Variants in TSPAN32 observed in about 807,000 individuals in gnomAD.
TSPAN32 encodes the protein tetraspanin 32, also known as tetraspanin-32.
In TSPAN32, 47 loss-of-function variants were observed where a neutral mutation model predicts 42.7. That is an observed-to-expected ratio of 1.10 (90% CI 0.87 to 1.40). The LOEUF (loss-of-function observed/expected upper bound fraction) is 1.40, where lower values mean the gene tolerates loss of function less well. TSPAN32 is among the 40% of genes most tolerant of loss of function. TSPAN32 has a pLI of 0.00. For synonymous variants in TSPAN32, 175 were observed against 175.9 expected, an observed-to-expected ratio of 0.99 and a Z score of 0.04; for missense variants, 469 against 424.1, an observed-to-expected ratio of 1.11 and a Z score of -0.93.
intron 3 of TSPAN32, among the ~76,000 whole-genome samples, chr11:2,308,235 G>T (rs529528982): frequency 6.6e-6 from 1 of 152,244 alleles, no homozygotes; most frequent in South Asian, 2.1e-4. Context: ...CACGCACCCA[G>T]CGCCCACGCT....
In TSPAN32 at chr11:2,313,719, C is replaced by T. The variant is rs368872715; in HGVS notation, c.420C>T (p.His140=). 2.4e-5 allele frequency: 38 copies of T among 1,606,758 alleles called. No individual in the cohort carries two copies. The highest frequency in any genetic ancestry group is 4.0e-5 in the African/African-American group (3 of 74,850). ...VYEQAMKGTS[H]VRRQELAAIQ... is the part of the protein sequence containing the mutation. Reference sequence around the variant, plus strand: ...AGCAGGCGATGAAAGGTACGTCCCACGTCCGGCGGCAGGAGCTGGCGGCCA... The same window carrying T: ...AGCAGGCGATGAAAGGTACGTCCCATGTCCGGCGGCAGGAGCTGGCGGCCA... The change falls in exon 5 of 10, where the codon CAC becomes CAT. Residue 140 remains histidine (H), a synonymous_variant. Coordinates refer to ENST00000182290, the MANE Select transcript of TSPAN32 (RefSeq NM_139022.3). The surrounding 1 kb of genome is among the most constrained non-coding windows in gnomAD (Gnocchi z 9.1).
chr11:2,316,926 T>G lies in TSPAN32; in HGVS notation c.719+259T>G, dbSNP rs138827148. On this transcript the variant is annotated intron_variant, in intron 8 of 9. Coordinates refer to ENST00000182290, the MANE Select transcript of TSPAN32 (RefSeq NM_139022.3). The stretch of plus-strand genomic sequence containing the variant: ...CCCAGGCCTTACCAAGACCTGGAGA[T>G]GGATGCTTCTGGGCCTCCAGGTTAT... Among the ~76,000 whole-genome samples, 293 of 152,166 alleles carry G rather than the reference T, an allele frequency of 1.9e-3. 1 individual carries two copies. The highest frequency in any genetic ancestry group is 6.8e-3 in the Middle Eastern group (2 of 292).
At position 2,316,590 on chromosome 11, in the gene TSPAN32, C is replaced by G. The variant is rs200678268; in HGVS notation, c.642C>G (p.Leu214=). 1.1e-5 allele frequency: 17 copies of G among 1,576,070 alleles called. No individual in the cohort carries two copies. The South Asian group carries it at 1.9e-4, about 17-fold the overall frequency. Reference sequence around the variant, plus strand: ...CTCCCTCCCAGGTGTCCGCCTTGCTCTTCAGCTCCTTCCTGTGGTTTGCCA... The same window carrying G: ...CTCCCTCCCAGGTGTCCGCCTTGCTGTTCAGCTCCTTCCTGTGGTTTGCCA... The part of the protein sequence containing the change: ...IGLALTVSAL[L]FSSFLWFAIR... Residue 214 remains leucine, a synonymous_variant, in exon 8 of 10, where the codon CTC becomes CTG. Coordinates refer to ENST00000182290, the MANE Select transcript of TSPAN32 (RefSeq NM_139022.3).
At position 2,315,261 on chromosome 11, in the gene TSPAN32, G is replaced by T. The variant is rs989742316; in HGVS notation, c.543+690G>T. 5.0e-6 allele frequency: 6 copies of T among 1,196,344 alleles called. No homozygotes were observed. In the African/African-American group the frequency reaches 1.0e-4, roughly 20 times the overall value. 74.1% of individuals were successfully genotyped at this position (1,196,344 alleles called of 1,614,324 possible). On this transcript the variant is annotated intron_variant, in intron 6 of 9. Coordinates refer to ENST00000182290, the MANE Select transcript of TSPAN32 (RefSeq NM_139022.3). ...TATCTCACAGTGGGAGGCACCTGGCGACCCTCCAAGAAACAGAGGGGAGGA... is the reference window on the plus strand; with the variant it reads ...TATCTCACAGTGGGAGGCACCTGGCTACCCTCCAAGAAACAGAGGGGAGGA...
chr11:2,316,711 C>G (rs1359552036), intron 8 of TSPAN32, 44 bp downstream of exon 8: 4 of 1,501,630 alleles, frequency 2.7e-6, no homozygotes, highest in Non-Finnish European at 3.6e-6. Flanking sequence ...AAGGGTCCTC[C>G]AGCTCTGCTC....
chr11:2,308,764 G>A lies in TSPAN32; in HGVS notation c.308G>A (p.Cys103Tyr), dbSNP rs1207478015. The change falls in exon 4 of 10, where the codon TGC (cysteine) becomes TAC (tyrosine). Residue 103 changes from cysteine to tyrosine, a missense_variant. Cys to Tyr is a radical substitution (Grantham distance 194). Coordinates refer to ENST00000182290, the MANE Select transcript of TSPAN32 (RefSeq NM_139022.3). ...GGFLCFSLAF[C>Y]AQVQVVFWRL... The stretch of plus-strand genomic sequence containing the variant: ...TTCCTGTGCTTCTCCCTGGCGTTCT[G>A]CGCACAGGTGCAGGTGGTGTTCTGG... 3 of 1,575,212 alleles carry A rather than the reference G, an allele frequency of 1.9e-6. No homozygotes were observed. The highest frequency in any genetic ancestry group is 1.7e-4 in the Middle Eastern group (1 of 6,034).
chr11:2,304,284 C>A lies in TSPAN32; in HGVS notation c.279+80C>A. The A allele has an allele frequency of 9.7e-7, 1 of 1,033,118 alleles. No homozygotes were observed. The highest frequency in any genetic ancestry group is 1.4e-6 in the Non-Finnish European group (1 of 730,532). The allele number at this position is 1,033,118 out of a possible 1,614,324, so 64.0% of individuals were successfully genotyped here. Reference sequence around the variant, plus strand: ...GTGAAGAGCTGGCAGGGCTGTGTGCCACCCCCACACCTGAGTGACCAGGCA... The same window carrying A: ...GTGAAGAGCTGGCAGGGCTGTGTGCAACCCCCACACCTGAGTGACCAGGCA... On this transcript the variant is annotated intron_variant, in intron 3 of 9. Transcript: ENST00000182290. The surrounding 1 kb of genome is among the most constrained non-coding windows in gnomAD (Gnocchi z 4.8).
chr11:2,315,554 G>C (rs543479847), intron 6 of TSPAN32: 2 of 1,168,490 alleles, frequency 1.7e-6, no homozygotes, highest in Non-Finnish European at 2.1e-6. Context: ...CAGCACAGGC[G>C]GCAGGCACGG....
At chr11:2,314,614 G>T in intron 6 of TSPAN32, 43 bp downstream of exon 6, 1 of 1,522,088 alleles carries the variant, frequency 6.6e-7, no homozygotes. Context: ...GACCCTCGGG[G>T]GCTGGACACC....
Position 2,316,659 on chromosome 11 carries a change from G to A in TSPAN32, c.711G>A (p.Leu237=). Residue 237 remains leucine (L), a synonymous_variant, in exon 8 of 10, where the codon CTG becomes CTA. Coordinates refer to ENST00000182290, the MANE Select transcript of TSPAN32 (RefSeq NM_139022.3). ...TGGACCGCAAGGGCAAATACACCCT[G>A]ACCCCACGGTAGGGCCCCCTGCCTG... ...CSLDRKGKYT[L]TPRACGRQPQ... The A allele has an allele frequency of 6.5e-7, 1 of 1,529,894 alleles. No homozygotes were observed. The highest frequency in any genetic ancestry group is 2.0e-5 in the Admixed American group (1 of 48,904). The allele number at this position is 1,529,894 out of a possible 1,614,324, so 94.8% of individuals were successfully genotyped here. A position where few individuals can be genotyped will look rare whatever the true frequency, so the allele number is the denominator to read the frequency against.
In TSPAN32 at chr11:2,316,673, GC is replaced by G; in HGVS notation, c.719+11del. 1 of 1,520,448 alleles carries G rather than the reference GC, an allele frequency of 6.6e-7. No homozygotes were observed. The highest frequency in any genetic ancestry group is 8.8e-7 in the Non-Finnish European group (1 of 1,133,728). The allele number at this position is 1,520,448 out of a possible 1,614,324, so 94.2% of individuals were successfully genotyped here. On this transcript the variant is annotated splice_region_variant and intron_variant, in intron 8 of 9. Transcript: ENST00000182290. ...AAATACACCCTGACCCCACGGTAGG[GC>G]CCCCTGCCTGCCCCCACACCCTCTG...
chr11:2,316,663 C>G lies in TSPAN32; in HGVS notation c.715C>G (p.Pro239Ala), dbSNP rs377055075. 2 of 1,525,732 alleles carry G rather than the reference C, an allele frequency of 1.3e-6. No homozygotes were observed. Among genetic ancestry groups the G allele is most frequent in the East Asian group, 4.5e-5 (2 of 44,046 alleles). 94.5% of individuals were successfully genotyped at this position (1,525,732 alleles called of 1,614,324 possible). A position where few individuals can be genotyped will look rare whatever the true frequency, so the allele number is the denominator to read the frequency against. The change falls in exon 8 of 10, where the codon CCA becomes GCA. Residue 239 changes from proline to alanine, a missense_variant. Transcript: ENST00000182290. ...LDRKGKYTLT[P>A]RACGRQPQEP... ...CCGCAAGGGCAAATACACCCTGACCCCACGGTAGGGCCCCCTGCCTGCCCC... is the reference window on the plus strand; with the variant it reads ...CCGCAAGGGCAAATACACCCTGACCGCACGGTAGGGCCCCCTGCCTGCCCC...
Position 2,308,647 on chromosome 11 carries a change from C to T in TSPAN32, c.280-89C>T, listed in dbSNP as rs1366452538. On this transcript the variant is annotated intron_variant, in intron 3 of 9. Transcript: ENST00000182290. ...GTGACCGGCCCCCCACAGTGACTGG[C>T]CCGCCCACAGTGACCGGCCCCCCCC... The T allele has an allele frequency of 1.2e-4, 19 of 157,138 alleles. 4 individuals are homozygous for T. Among genetic ancestry groups the T allele is most frequent in the Admixed American group, 1.4e-4 (1 of 6,978 alleles). 9.7% of individuals were successfully genotyped at this position (157,138 alleles called of 1,614,324 possible).
intron 4 of TSPAN32, among the ~76,000 whole-genome samples, chr11:2,312,413 G>A (rs995926899): frequency 4.6e-5 from 7 of 152,250 alleles, no homozygotes; most frequent in Admixed American, 2.6e-4. Context: ...CCAGCTTGGT[G>A]CCTGCCCGCC....
At position 2,305,376 on chromosome 11, in the gene TSPAN32, C is replaced by CCCCG. The variant is rs1554938626; in HGVS notation, c.279+1175_279+1176insGCCC. On this transcript the variant is annotated intron_variant, in intron 3 of 9. Transcript: ENST00000182290. Reference sequence around the variant, plus strand: ...ATGACAAGGCAGGTAGTCTGCCCCCCCCCCCAGAGGGTGTGTGGCCTGCAA... The same window carrying CCCCG: ...ATGACAAGGCAGGTAGTCTGCCCCCCCCCGCCCCCAGAGGGTGTGTGGCCTGCAA... 2.3e-4 allele frequency among the ~76,000 whole-genome samples: 34 copies of CCCCG among 150,436 alleles called. 2 individuals are homozygous for CCCCG. Among genetic ancestry groups the CCCCG allele is most frequent in the Non-Finnish European group, 2.7e-4 (18 of 67,046 alleles).
At chr11:2,312,508 G>A (rs868701255) in intron 4 of TSPAN32, among the ~76,000 whole-genome samples, 14 of 152,358 alleles carry the variant, frequency 9.2e-5, no homozygotes, top group Non-Finnish European at 1.3e-4. Flanking sequence ...ATCAATGGGA[G>A]GGATGCATTA....
chr11:2,316,643 AG>A lies in TSPAN32; in HGVS notation c.698del (p.Gly233AlafsTer5). 1 of 1,542,318 alleles carries A rather than the reference AG, an allele frequency of 6.5e-7. No individual in the cohort carries two copies. Among genetic ancestry groups the A allele is most frequent in the South Asian group, 1.3e-5 (1 of 79,440 alleles). On this transcript the variant is annotated frameshift_variant, in exon 8 of 10. Transcript: ENST00000182290. LOFTEE classifies it high-confidence loss of function. ...CGCTGTGGCTGCAGCTTGGACCGCA[AG>A]GGCAAATACACCCTGACCCCACGGT... ...AIRCGCSLDRKGKYTLTPRAC... is the reference protein window; with the variant it reads ...AIRCGCSLDRXGKYTLTPRAC...
Position 2,311,727 on chromosome 11 carries a change from G to A in TSPAN32, c.355-1927G>A, listed in dbSNP as rs558853269. Reference sequence around the variant, plus strand: ...GACACCAGGGAAGATCTGGTCATGGGGAAAAGCCCCCGGGCACCGGAAGAC... The same window carrying A: ...GACACCAGGGAAGATCTGGTCATGGAGAAAAGCCCCCGGGCACCGGAAGAC... On this transcript the variant is annotated intron_variant, in intron 4 of 9. Transcript: ENST00000182290. Among the ~76,000 whole-genome samples, 421 of 152,324 alleles carry A rather than the reference G, an allele frequency of 2.8e-3. 6 individuals are homozygous for A. Among genetic ancestry groups the A allele is most frequent in the Non-Finnish European group, 4.6e-3 (315 of 68,018 alleles).
At position 2,317,355 on chromosome 11, in the gene TSPAN32, G is replaced by A. The variant is rs756322762; in HGVS notation, c.731G>A (p.Arg244His). ...CCCTTGCTCCTCAGAGCATGTGGCC[G>A]CCAGCCCCAGGAGCCCAGCCTCTTG... ...KYTLTPRACG[R>H]QPQEPSLLRC... Residue 244 changes from arginine to histidine, a missense_variant, in exon 9 of 10, where the codon CGC becomes CAC. By Grantham distance (29) the Arg-to-His change is conservative. Coordinates refer to ENST00000182290, the MANE Select transcript of TSPAN32 (RefSeq NM_139022.3). The surrounding 1 kb of genome is among the most constrained non-coding windows in gnomAD (Gnocchi z 6.2). 2.1e-5 allele frequency: 34 copies of A among 1,591,034 alleles called. No individual in the cohort carries two copies. The highest frequency in any genetic ancestry group is 1.4e-4 in the East Asian group (6 of 43,604).
Sources: allele counts gnomAD v4.1 joint callset (sites outside exome capture counted in the v4.1 genomes callset), GRCh38; gene constraint gnomAD v4.1.1; non-coding constraint Gnocchi (gnomAD v3.1); transcripts MANE v1.5; gene names NCBI Gene and HGNC (gene_info 2026-07-23, HGNC 2026-07-21).